CDYL: variants seen among roughly 807,000 people sequenced by gnomAD.
CDYL encodes chromodomain Y-like protein.
In CDYL, 8 loss-of-function variants were observed where a neutral mutation model predicts 47.3. The ratio of observed to expected loss-of-function variants is 0.17; its 90% confidence interval spans 0.10 to 0.31. The LOEUF (loss-of-function observed/expected upper bound fraction) is 0.31, where lower values mean the gene tolerates loss of function less well. Ranked by LOEUF, CDYL falls within the 10% of genes least tolerant of loss-of-function variation. The pLI is 1.00. For synonymous variants in CDYL, 266 were observed against 265.0 expected, an observed-to-expected ratio of 1.00 and a Z score of -0.04; for missense variants, 471 against 701.4, an observed-to-expected ratio of 0.67 and a Z score of 3.71.
chr6:4,818,938 A>T (rs991490932), intron 1 of CDYL, among the ~76,000 whole-genome samples: 2 of 152,154 alleles, frequency 1.3e-5, no homozygotes, highest in Non-Finnish European at 2.9e-5. Flanking sequence ...GGTCTGTTGT[A>T]AAAGTTAATG....
At chr6:4,873,360 GC>G (rs1761527779) in intron 1 of CDYL, among the ~76,000 whole-genome samples, 1 of 152,108 alleles carries the variant, frequency 6.6e-6, no homozygotes, top group African/African-American at 2.4e-5. Flanking sequence ...ATGACTTTTA[GC>G]AAAAGGGGTA....
At chr6:4,733,975 C>A (rs1453902271) in intron 2 of CDYL, among the ~76,000 whole-genome samples, 2 of 151,902 alleles carry the variant, frequency 1.3e-5, no homozygotes, top group African/African-American at 4.8e-5. Context: ...CCTCAGCCAC[C>A]CAAGTAGCTA....
At chr6:4,943,897 C>A in intron 5 of CDYL, 141 bp downstream of exon 5, 1 of 632,622 alleles carries the variant, frequency 1.6e-6, no homozygotes, top group Non-Finnish European at 2.6e-6. Flanking sequence ...GATTTGGGTT[C>A]ATAGACGTTG....
At chr6:4,894,197 A>G (rs531412986) in intron 2 of CDYL, among the ~76,000 whole-genome samples, 79 of 152,350 alleles carry the variant, frequency 5.2e-4, no homozygotes, top group Admixed American at 1.2e-3. Flanking sequence ...GATGATGTTC[A>G]TGGAGAGAAC....
chr6:4,938,290 C>T (rs758231426), intron 4 of CDYL, among the ~76,000 whole-genome samples: 1 of 151,402 alleles, frequency 6.6e-6, no homozygotes. Context: ...CAGTTTCATC[C>T]TAAGTTCCAA....
chr6:4,928,460 A>G (rs944582858), intron 2 of CDYL, among the ~76,000 whole-genome samples: 53 of 152,220 alleles, frequency 3.5e-4, no homozygotes, highest in East Asian at 1.3e-3. Context: ...TGTTTTTGCA[A>G]TTCTTCCCCT....
At chr6:4,909,470 TCA>T (rs931919887) in intron 2 of CDYL, among the ~76,000 whole-genome samples, 2 of 152,188 alleles carry the variant, frequency 1.3e-5, no homozygotes, top group African/African-American at 4.8e-5. Context: ...AATCCATTTC[TCA>T]CACACCAGGA....
At chr6:4,859,705 T>A (rs1465718031) in intron 1 of CDYL, among the ~76,000 whole-genome samples, 2 of 152,170 alleles carry the variant, frequency 1.3e-5, no homozygotes, top group African/African-American at 4.8e-5. Flanking sequence ...GTTTACAGAA[T>A]GCTTTCTAAC....
intron 2 of CDYL, chr6:4,734,640 C>A: frequency 7.4e-7 from 1 of 1,345,264 alleles, no homozygotes; most frequent in Non-Finnish European, 1.0e-6. Flanking sequence ...CAGTTAGACT[C>A]CTAATTCAGG....
At chr6:4,805,223 A>G (rs902817284) in intron 1 of CDYL, among the ~76,000 whole-genome samples, 1 of 152,256 alleles carries the variant, frequency 6.6e-6, no homozygotes, top group Non-Finnish European at 1.5e-5. Flanking sequence ...AACTTTTAGA[A>G]CCAAACATGG....
At chr6:4,867,478 G>C (rs1457654935) in intron 1 of CDYL, among the ~76,000 whole-genome samples, 1 of 152,098 alleles carries the variant, frequency 6.6e-6, no homozygotes, top group Non-Finnish European at 1.5e-5. Flanking sequence ...TCCTTATCAA[G>C]TTGAGAATGT....
intron 2 of CDYL, among the ~76,000 whole-genome samples, chr6:4,911,062 G>A (rs552550722): frequency 3.3e-5 from 5 of 152,202 alleles, no homozygotes; most frequent in African/African-American, 9.6e-5. Flanking sequence ...TCTTGACCTC[G>A]TGATCCACCC....
intron 3 of CDYL, among the ~76,000 whole-genome samples, chr6:4,749,285 A>G (rs1469690473): frequency 7.5e-6 from 1 of 133,340 alleles, no homozygotes; most frequent in Non-Finnish European, 1.6e-5. Flanking sequence ...GTTTTGTTGG[A>G]TGGATGGATG....
intron 1 of CDYL, among the ~76,000 whole-genome samples, chr6:4,786,738 C>T (rs2127432822): frequency 6.6e-6 from 1 of 152,208 alleles, no homozygotes; most frequent in East Asian, 1.9e-4. Context: ...GAATGAGGAC[C>T]AATCTGCTTC....
intron 1 of CDYL, among the ~76,000 whole-genome samples, chr6:4,803,885 TG>T (rs1425118512): frequency 6.6e-6 from 1 of 151,980 alleles, no homozygotes; most frequent in African/African-American, 2.4e-5. Flanking sequence ...GGAGGAATTT[TG>T]GGGGTACCTT....
chr6:4,921,307 C>T (rs1487153518), intron 2 of CDYL, among the ~76,000 whole-genome samples: 2 of 152,180 alleles, frequency 1.3e-5, no homozygotes, highest in African/African-American at 4.8e-5. Context: ...TGAAGCTCAC[C>T]ACATGGTGGC....
chr6:4,827,391 TTTTTTC>T (rs1760009527), intron 1 of CDYL, among the ~76,000 whole-genome samples: 1 of 152,220 alleles, frequency 6.6e-6, no homozygotes, highest in Non-Finnish European at 1.5e-5. Flanking sequence ...TTAGTTGATC[TTTTTTC>T]TTTTTAATAA....
At position 4,722,562 on chromosome 6, in the gene CDYL, T is replaced by C. The variant is rs186539546; in HGVS notation, c.103+6681T>C. Among the ~76,000 whole-genome samples, 238 of 152,060 alleles carry C rather than the reference T, an allele frequency of 1.6e-3. 3 individuals carry two copies. Among genetic ancestry groups the C allele is most frequent in the African/African-American group, 5.3e-3 (220 of 41,500 alleles). ...GGTTAATCTAGAACTGCTACAGTTT[T>C]AAAACTAAAACTGTTTTAAAGTCCA... On this transcript the variant is annotated intron_variant, in intron 2 of 8. Coordinates refer to the CDYL transcript ENST00000328908.
intron 3 of CDYL, among the ~76,000 whole-genome samples, chr6:4,738,654 C>T (rs1255678400): frequency 6.6e-6 from 1 of 152,128 alleles, no homozygotes; most frequent in Non-Finnish European, 1.5e-5. Context: ...ATGAGTACAA[C>T]CTCTGACCCA....
Sources: gnomAD v4.1 joint callset for allele counts (sites outside exome capture counted in the v4.1 genomes callset) on GRCh38, gnomAD v4.1.1 for gene constraint, MANE v1.5 for transcripts, NCBI Gene and HGNC (gene_info 2026-07-23, HGNC 2026-07-21) for gene names.